Variants in RNF135 observed in about 807,000 individuals in gnomAD.
RNF135 encodes the protein ring finger protein 135.
In RNF135, 46 loss-of-function variants were observed where a neutral mutation model predicts 41.9. The observed-to-expected ratio is 1.10, with a 90% CI of 0.87 to 1.40. The LOEUF (loss-of-function observed/expected upper bound fraction) is 1.40, where lower values mean the gene tolerates loss of function less well. RNF135 is among the 40% of genes most tolerant of loss of function. The pLI, the probability that RNF135 is intolerant of heterozygous loss-of-function variation, is 0.00. For missense variants in RNF135, 539 were observed against 549.8 expected (o/e 0.98, Z 0.20); for synonymous variants, 238 against 223.8 (o/e 1.06, Z -0.57).
chr17:30,969,260 C>A (rs1905690265), upstream of RNF135: 1 of 152,136 alleles, frequency 6.6e-6, no homozygotes, highest in South Asian at 2.1e-4. Flanking sequence ...TAGTATCATG[C>A]CCGTTTTACA....
At chr17:30,970,994 G>A (rs1401445456), upstream of RNF135, 2 of 1,521,026 alleles carry the variant, frequency 1.3e-6, no homozygotes, top group Non-Finnish European at 1.8e-6. Context: ...AGGGCAAGGG[G>A]AAGAGGAAGG....
intron 1 of RNF135, among the ~76,000 whole-genome samples, chr17:30,977,299 C>G (rs974851423): frequency 2.6e-5 from 4 of 152,250 alleles, no homozygotes; most frequent in African/African-American, 9.6e-5. Flanking sequence ...CTTATACTAT[C>G]TATATGTTTG....
At chr17:30,971,579 C>G (rs1880974346) in intron 1 of RNF135, 134 bp downstream of exon 1, 1 of 1,360,248 alleles carries the variant, frequency 7.4e-7, no homozygotes, top group African/African-American at 1.5e-5. Context: ...AAGTCGAGTT[C>G]CGCTCTTCGG....
At chr17:30,988,929 T>C (rs1016023476) in intron 3 of RNF135, among the ~76,000 whole-genome samples, 5 of 143,578 alleles carry the variant, frequency 3.5e-5, no homozygotes, top group African/African-American at 7.7e-5. Flanking sequence ...TCTTTCTTTT[T>C]TTTTTTTTTT....
intron 3 of RNF135, among the ~76,000 whole-genome samples, chr17:30,988,966 A>G (rs2142718526): frequency 8.4e-6 from 1 of 118,478 alleles, no homozygotes; most frequent in African/African-American, 3.3e-5. Context: ...GAGTTTCACC[A>G]TGTTGGACAG....
At chr17:30,967,782 A>G (rs1196047651), upstream of RNF135, among the ~76,000 whole-genome samples, 2 of 151,590 alleles carry the variant, frequency 1.3e-5, no homozygotes, top group African/African-American at 2.4e-5. Context: ...GCTCATGGCA[A>G]CCTTCACCTC....
chr17:30,991,663 C>T (rs1185830793), intron 3 of RNF135, among the ~76,000 whole-genome samples: 2 of 151,948 alleles, frequency 1.3e-5, no homozygotes, highest in Non-Finnish European at 2.9e-5. Context: ...ATCTGCTTGC[C>T]TCGGTCTCCC....
intron 3 of RNF135, among the ~76,000 whole-genome samples, chr17:30,995,803 G>C (rs1044248424): frequency 2.6e-5 from 4 of 151,794 alleles, no homozygotes; most frequent in Non-Finnish European, 5.9e-5. Context: ...ACCCAGGCTG[G>C]AGTGCAGTGG....
intron 1 of RNF135, chr17:30,979,275 C>CCAGGCAGAGGGGCTCCT (rs1906768601): frequency 1.5e-5 from 2 of 134,926 alleles, no homozygotes; most frequent in Non-Finnish European, 3.1e-5. Context: ...GGGCGGCTGG[C>CCAGGCAGAGGGGCTCCT]CAGGCAGAGG....
intron 1 of RNF135, among the ~76,000 whole-genome samples, chr17:30,979,733 C>T (rs1249372686): frequency 8.1e-6 from 1 of 124,168 alleles, no homozygotes; most frequent in South Asian, 2.6e-4. Context: ...ACCTCCCTCC[C>T]GGACGGGGCG....
At chr17:30,961,718 C>A in the RNF135 span, among the ~76,000 whole-genome samples, 1 of 152,200 alleles carries the variant, frequency 6.6e-6, no homozygotes. Flanking sequence ...CCCACCTCAG[C>A]CTCCCAAAAT....
chr17:30,998,561 A>G, intron 4 of RNF135, 101 bp from the exon 5 acceptor site: 1 of 1,167,830 alleles, frequency 8.6e-7, no homozygotes, highest in East Asian at 2.3e-5. Flanking sequence ...TGAGTGAAAC[A>G]TCACACCAAA....
At chr17:30,961,647 A>G in the RNF135 span, among the ~76,000 whole-genome samples, 117 of 152,142 alleles carry the variant, frequency 7.7e-4, 1 homozygote, top group South Asian at 1.9e-3. Flanking sequence ...ATTTTTCTGT[A>G]GAGATGGGAT....
chr17:30,967,858 C>T (rs1905615186), upstream of RNF135, among the ~76,000 whole-genome samples: 4 of 152,034 alleles, frequency 2.6e-5, no homozygotes, highest in South Asian at 4.2e-4. Context: ...CCTGCAACTA[C>T]GCCCAGCTAA....
In RNF135 at chr17:30,971,123, A is replaced by G; in HGVS notation, c.50A>G (p.Asp17Gly). 1.3e-6 allele frequency: 2 copies of G among 1,533,642 alleles called. No homozygotes were observed. The highest frequency in any genetic ancestry group is 1.7e-6 in the Non-Finnish European group (2 of 1,146,040). ...GCCGTTCCCGTGTGGCTGGCCGAGG[A>G]CGACCTCGGCTGCATCATCTGCCAG... ...GSAVPVWLAE[D>G]DLGCIICQGL... Residue 17 changes from aspartate (D) to glycine (G), a missense_variant, in exon 1 of 5, where the codon GAC (aspartate) becomes GGC (glycine). Physicochemically the swap from Asp to Gly is moderately conservative, Grantham distance 94. Transcript: ENST00000328381.
At chr17:30,967,074 G>A (rs1567732495), upstream of RNF135, among the ~76,000 whole-genome samples, 1 of 151,968 alleles carries the variant, frequency 6.6e-6, no homozygotes, top group East Asian at 1.9e-4. Flanking sequence ...TTGCTCTGTT[G>A]CCCAGACTGG....
chr17:30,981,923 C>T (rs1907179081), intron 1 of RNF135, among the ~76,000 whole-genome samples: 1 of 152,222 alleles, frequency 6.6e-6, no homozygotes, highest in Admixed American at 6.5e-5. Flanking sequence ...GCTGAGCTGC[C>T]TGGAGCTGGA....
upstream of RNF135, chr17:30,970,778 TC>T: frequency 2.0e-6 from 1 of 497,958 alleles, no homozygotes; most frequent in Non-Finnish European, 3.6e-6. Context: ...TGGAGGGACA[TC>T]CAGCTAAAGG....
chr17:30,980,567 G>A (rs1265301504), intron 1 of RNF135, among the ~76,000 whole-genome samples: 1 of 140,114 alleles, frequency 7.1e-6, no homozygotes, highest in Non-Finnish European at 1.6e-5. Context: ...CTTCCCAGAC[G>A]GGGTGGTTGC....
Sources: gnomAD v4.1 joint callset for allele counts (sites outside exome capture counted in the v4.1 genomes callset) on GRCh38, gnomAD v4.1.1 for gene constraint, MANE v1.5 for transcripts, NCBI Gene and HGNC (gene_info 2026-07-23, HGNC 2026-07-21) for gene names.